The following GNA12 variants were observed in gnomAD, a reference collection of about 807,000 sequenced individuals.
The protein encoded by GNA12 is guanine nucleotide-binding protein subunit alpha-12.
GNA12 carries 9 observed loss-of-function variants against 26.0 expected under a neutral mutation model. The observed-to-expected ratio is 0.35, with a 90% CI of 0.21 to 0.60. The LOEUF is 0.60. Among genes scored for constraint, GNA12 ranks in the 20% least tolerant of loss-of-function variants. The pLI is 0.78. For synonymous variants in GNA12, 264 were observed against 219.6 expected (o/e 1.20, Z -1.79); for missense variants, 405 against 525.8 (o/e 0.77, Z 2.25).
intron 2 of GNA12, among the ~76,000 whole-genome samples, chr7:2,766,947 G>C (rs142382124): frequency 4.3e-4 from 66 of 152,296 alleles, no homozygotes; most frequent in Non-Finnish European, 7.3e-4. Flanking sequence ...ATGTGTGGTA[G>C]TATCTCATTG....
intron 1 of GNA12, among the ~76,000 whole-genome samples, chr7:2,802,667 T>G (rs903505133): frequency 2.0e-5 from 3 of 152,188 alleles, no homozygotes; most frequent in African/African-American, 7.2e-5. Context: ...CAACAGCATG[T>G]GGACTTGGAA....
At chr7:2,734,485 T>A (rs1464140091) in intron 2 of GNA12, among the ~76,000 whole-genome samples, 2 of 152,160 alleles carry the variant, frequency 1.3e-5, no homozygotes, top group African/African-American at 4.8e-5. Context: ...CATACACATG[T>A]GGCGAGCTGA....
chr7:2,775,738 C>G (rs1366163720), intron 2 of GNA12, among the ~76,000 whole-genome samples: 1 of 152,206 alleles, frequency 6.6e-6, no homozygotes, highest in Admixed American at 6.5e-5. Flanking sequence ...AATCACGTCA[C>G]AAGTGGAAGA....
chr7:2,814,450 A>T, intron 1 of GNA12: 1 of 971,130 alleles, frequency 1.0e-6, no homozygotes. Flanking sequence ...AGACATCAGA[A>T]TAAAGCCCTG....
chr7:2,789,831 A>T (rs1792472064), intron 2 of GNA12, among the ~76,000 whole-genome samples: 1 of 152,138 alleles, frequency 6.6e-6, no homozygotes, highest in Non-Finnish European at 1.5e-5. Flanking sequence ...GCCACAGAGG[A>T]AGCCAGGCCA....
At chr7:2,732,680 C>T (rs1218305009) in intron 3 of GNA12, among the ~76,000 whole-genome samples, 1 of 152,224 alleles carries the variant, frequency 6.6e-6, no homozygotes, top group Non-Finnish European at 1.5e-5. Context: ...GGTCTGACTA[C>T]CACCCACGGG....
chr7:2,786,945 A>C (rs1265058074), intron 2 of GNA12, among the ~76,000 whole-genome samples: 1 of 152,170 alleles, frequency 6.6e-6, no homozygotes, highest in African/African-American at 2.4e-5. Flanking sequence ...CCGGCAAGGA[A>C]GACACCAGAT....
At chr7:2,828,433 A>C (rs1366043758) in intron 1 of GNA12, among the ~76,000 whole-genome samples, 2 of 152,192 alleles carry the variant, frequency 1.3e-5, no homozygotes, top group African/African-American at 2.4e-5. Flanking sequence ...AGCTTACTGT[A>C]ATCTTGAACT....
chr7:2,802,358 T>C (rs770315171), intron 1 of GNA12, among the ~76,000 whole-genome samples: 3 of 123,832 alleles, frequency 2.4e-5, no homozygotes, highest in Non-Finnish European at 4.8e-5. Context: ...AGTCAAAGTA[T>C]AGATTCCCTC....
At chr7:2,733,327 A>C in intron 3 of GNA12, 124 bp downstream of exon 3, 1 of 761,574 alleles carries the variant, frequency 1.3e-6, no homozygotes. Context: ...TATTCGTGGT[A>C]ATGTGACAGA....
At chr7:2,734,749 G>A (rs56356906) in intron 2 of GNA12, among the ~76,000 whole-genome samples, 16,235 of 152,262 alleles carry the variant, frequency 0.11, 1,010 homozygotes, top group Middle Eastern at 0.18. Flanking sequence ...AGAAACACAC[G>A]TCTCCCCATC....
At chr7:2,812,409 C>T (rs1289498809) in intron 1 of GNA12, among the ~76,000 whole-genome samples, 1 of 152,160 alleles carries the variant, frequency 6.6e-6, no homozygotes, top group African/African-American at 2.4e-5. Context: ...GCGGGCGGAC[C>T]ACTTGAGGTC....
At chr7:2,762,313 C>G in intron 2 of GNA12, 2 of 302,062 alleles carry the variant, frequency 6.6e-6, no homozygotes, top group Non-Finnish European at 1.2e-5. Flanking sequence ...CCACCACTCA[C>G]GCCAGGCGCT....
At chr7:2,813,672 C>CA (rs201816048) in intron 1 of GNA12, among the ~76,000 whole-genome samples, 2,063 of 152,262 alleles carry the variant, frequency 0.014, 52 homozygotes, top group African/African-American at 0.047. Context: ...TGTGAGCTGT[C>CA]AGAGTGCAGC....
intron 2 of GNA12, among the ~76,000 whole-genome samples, chr7:2,769,448 C>T (rs1401571287): frequency 2.6e-5 from 4 of 151,742 alleles, no homozygotes; most frequent in Admixed American, 6.6e-5. Flanking sequence ...CAGCTCTGGC[C>T]GGCTGGGCAC....
chr7:2,761,963 C>A (rs1045419888), intron 2 of GNA12, among the ~76,000 whole-genome samples: 1 of 152,192 alleles, frequency 6.6e-6, no homozygotes, highest in African/African-American at 2.4e-5. Context: ...AGCCGCCCAC[C>A]AGTCCACCCA....
At chr7:2,761,368 T>A (rs1002440797) in intron 2 of GNA12, among the ~76,000 whole-genome samples, 1 of 152,230 alleles carries the variant, frequency 6.6e-6, no homozygotes, top group African/African-American at 2.4e-5. Context: ...ATGGCAGCTG[T>A]GATTTCCCTG....
intron 2 of GNA12, among the ~76,000 whole-genome samples, chr7:2,773,002 C>CA (rs1362104387): frequency 2.0e-5 from 3 of 152,214 alleles, no homozygotes; most frequent in Non-Finnish European, 2.9e-5. Context: ...ATCTCTCAGT[C>CA]ATTAAGCAAA....
At chr7:2,742,085 G>A (rs1457333089) in intron 2 of GNA12, among the ~76,000 whole-genome samples, 2 of 151,696 alleles carry the variant, frequency 1.3e-5, no homozygotes, top group African/African-American at 2.4e-5. Context: ...GCAGTGGGGC[G>A]ATCTCAGCTC....
Sources: allele counts gnomAD v4.1 joint callset (sites outside exome capture counted in the v4.1 genomes callset), GRCh38; gene constraint gnomAD v4.1.1; transcripts MANE v1.5; gene names NCBI Gene and HGNC (gene_info 2026-07-23, HGNC 2026-07-21).